The following PODNL1 variants were observed in gnomAD, a reference collection of about 807,000 sequenced individuals.
The protein encoded by PODNL1 is podocan like 1, also known as podocan-like protein 1.
Under a neutral mutation model 45.1 loss-of-function variants are expected in PODNL1, and 50 were observed. The ratio of observed to expected loss-of-function variants is 1.11; its 90% CI spans 0.88 to 1.40. The LOEUF is 1.40. Among genes scored for constraint, PODNL1 ranks in the 40% most tolerant of loss-of-function variants. The pLI is 0.00. For missense variants in PODNL1, 788 were observed against 793.3 expected (o/e 0.99, Z 0.08); for synonymous variants, 406 against 372.5 (o/e 1.09, Z -1.04).
chr19:13,952,576 G>A (rs1390368305), intron 1 of PODNL1: 1 of 1,265,678 alleles, frequency 7.9e-7, no homozygotes. Context: ...CGGCCCCGGG[G>A]GAGCCGGAGG....
intron 1 of PODNL1, among the ~76,000 whole-genome samples, chr19:13,943,873 G>A (rs560622586): frequency 5.9e-5 from 9 of 152,232 alleles, no homozygotes; most frequent in African/African-American, 2.2e-4. Context: ...GCAAAGACCT[G>A]TTTTCCAAAT....
intron 1 of PODNL1, among the ~76,000 whole-genome samples, chr19:13,945,196 G>C (rs1022269572): frequency 1.3e-5 from 2 of 152,122 alleles, no homozygotes; most frequent in Non-Finnish European, 2.9e-5. Context: ...ACTGTGCCCT[G>C]TACATCTGTT....
chr19:13,941,579 G>C (rs1008705053), upstream of PODNL1, among the ~76,000 whole-genome samples: 3 of 152,268 alleles, frequency 2.0e-5, no homozygotes, highest in African/African-American at 7.2e-5. Context: ...GGGAGGCTGA[G>C]GTGGGCAGAT....
intron 1 of PODNL1, among the ~76,000 whole-genome samples, chr19:13,944,951 T>C: frequency 6.6e-6 from 1 of 152,144 alleles, no homozygotes; most frequent in Non-Finnish European, 1.5e-5. Flanking sequence ...AATTTTTGTA[T>C]TTTTATTACA....
At chr19:13,936,282 C>A (rs562836552) in intron 3 of PODNL1, 85 bp downstream of exon 3, 18 of 1,331,574 alleles carry the variant, frequency 1.4e-5, no homozygotes, top group South Asian at 3.6e-5. Flanking sequence ...GAGCTGCCCG[C>A]AGATGGGGCG....
intron 5 of PODNL1, 53 bp from the exon 6 acceptor site, chr19:13,934,463 C>G: frequency 6.9e-7 from 1 of 1,446,314 alleles, no homozygotes; most frequent in Non-Finnish European, 9.1e-7. Flanking sequence ...CCTACCACCC[C>G]ACTCCCGCAC....
intron 1 of PODNL1, chr19:13,952,401 T>C (rs1255431606): frequency 1.6e-6 from 2 of 1,212,400 alleles, no homozygotes; most frequent in Non-Finnish European, 2.1e-6. Context: ...ATAGCGCGAG[T>C]GCGGGCTTTC....
At chr19:13,934,496 T>A in intron 5 of PODNL1, 86 bp from the exon 6 acceptor site, 1 of 1,309,896 alleles carries the variant, frequency 7.6e-7, no homozygotes, top group Non-Finnish European at 1.0e-6. Flanking sequence ...AGGGTCGCCT[T>A]CAGTGTGTGT....
upstream of PODNL1, among the ~76,000 whole-genome samples, chr19:13,941,406 G>C (rs1334151484): frequency 6.6e-6 from 1 of 152,048 alleles, no homozygotes; most frequent in Non-Finnish European, 1.5e-5. Context: ...GCTCAGCTTG[G>C]GAGTGGCCAA....
intron 2 of PODNL1, 110 bp from the exon 3 acceptor site, chr19:13,936,570 C>A: frequency 1.3e-6 from 1 of 794,534 alleles, no homozygotes; most frequent in South Asian, 1.5e-5. Flanking sequence ...CCATCATCAC[C>A]CCCACAGTTA....
intron 1 of PODNL1, among the ~76,000 whole-genome samples, chr19:13,946,044 A>T (rs1385234273): frequency 6.6e-6 from 1 of 152,096 alleles, no homozygotes; most frequent in African/African-American, 2.4e-5. Flanking sequence ...TTTCTAAAAA[A>T]GAAAAGAAAG....
At position 13,936,006 on chromosome 19, in the gene PODNL1, G is replaced by A; in HGVS notation, c.358C>T (p.Gln120Ter). Residue 120 changes from glutamine to a stop codon, truncating the protein, a stop_gained, in exon 4 of 10, where the codon CAG (glutamine) becomes TAG (stop). Transcript: ENST00000588872. LOFTEE classifies it high-confidence loss of function. ...TTGTTGTGAGCCACGCAGAGGTGCT[G>A]CAGCTGGGTGAGGGACTCGAAGGCC... ...DEAFESLTQL[Q>*]HLCVAHNKLS... 1.3e-6 allele frequency: 2 copies of A among 1,552,922 alleles called. No homozygotes were observed. The highest frequency in any genetic ancestry group is 1.7e-6 in the Non-Finnish European group (2 of 1,148,972).
Position 13,931,375 on chromosome 19 carries a change from C to G in PODNL1, c.*362G>C, listed in dbSNP as rs1268352111. 1 of 221,888 alleles carries G rather than the reference C, an allele frequency of 4.5e-6. No individual in the cohort carries two copies. Among genetic ancestry groups the G allele is most frequent in the Admixed American group, 5.8e-5 (1 of 17,142 alleles). 13.7% of individuals were successfully genotyped at this position (221,888 alleles called of 1,614,324 possible). On this transcript the variant is annotated 3_prime_UTR_variant, in exon 10 of 10. Coordinates refer to ENST00000588872, the MANE Select transcript of PODNL1 (RefSeq NM_001370095.3). ...CAAGACCTCAAAATTCAGTCCTGAC[C>G]CACTTAGCATCCCAGAGCCTCAGTT...
In PODNL1 at chr19:13,938,164, C is replaced by A. The variant is rs745915237; in HGVS notation, c.3+15G>T. On this transcript the variant is annotated intron_variant, in intron 1 of 9. Coordinates refer to ENST00000588872, the MANE Select transcript of PODNL1 (RefSeq NM_001370095.3). ...GGCAGGCCCCACCCTCAGACCCTCC[C>A]GTGCCCCACCTTACCATGGCCAGCC... 1.2e-6 allele frequency: 2 copies of A among 1,600,842 alleles called. No homozygotes were observed. The highest frequency in any genetic ancestry group is 1.1e-5 in the South Asian group (1 of 88,766).
In PODNL1 at chr19:13,938,329, CG is replaced by C; in HGVS notation, c.-149del. 7.0e-7 allele frequency: 1 copy of C among 1,433,432 alleles called. No homozygotes were observed. Among genetic ancestry groups the C allele is most frequent in the Non-Finnish European group, 9.2e-7 (1 of 1,090,688 alleles). 88.8% of individuals were successfully genotyped at this position (1,433,432 alleles called of 1,614,324 possible). On this transcript the variant is annotated 5_prime_UTR_variant, in exon 1 of 10. Transcript: ENST00000588872. Reference sequence around the variant, plus strand: ...CACCCCCCACAACAGCCTGTTCTCCCGGGGCTTTGGGGGAGCTGGCCCACCC... The same window carrying C: ...CACCCCCCACAACAGCCTGTTCTCCCGGGCTTTGGGGGAGCTGGCCCACCC...
At chr19:13,935,938 A>C (rs1599432951) in intron 4 of PODNL1, 42 bp downstream of exon 4, 1 of 1,546,178 alleles carries the variant, frequency 6.5e-7, no homozygotes, top group Non-Finnish European at 8.7e-7. Context: ...CTGAAGCTGC[A>C]CCCTCACTGG....
At chr19:13,948,300 A>G (rs1972888203) in intron 1 of PODNL1, among the ~76,000 whole-genome samples, 1 of 148,534 alleles carries the variant, frequency 6.7e-6, no homozygotes, top group African/African-American at 2.5e-5. Flanking sequence ...TCCCAGGTTC[A>G]TGCCATTCTC....
intron 6 of PODNL1, 53 bp downstream of exon 6, chr19:13,934,201 C>A: frequency 6.8e-7 from 1 of 1,478,220 alleles, no homozygotes; most frequent in East Asian, 2.3e-5. Flanking sequence ...AGGGGTCCCC[C>A]TGGAAAGAGG....
chr19:13,937,322 C>T (rs1335251072), intron 2 of PODNL1, among the ~76,000 whole-genome samples: 2 of 69,490 alleles, frequency 2.9e-5, no homozygotes, highest in Admixed American at 1.7e-4. Context: ...ACCCCAAATG[C>T]GCCATCACCC....
Sources: gnomAD v4.1 joint callset for allele counts (sites outside exome capture counted in the v4.1 genomes callset) on GRCh38, gnomAD v4.1.1 for gene constraint, MANE v1.5 for transcripts, NCBI Gene and HGNC (gene_info 2026-07-23, HGNC 2026-07-21) for gene names.